RBMS3: variants seen among roughly 807,000 people sequenced by gnomAD.
The protein encoded by RBMS3 is RNA binding motif single stranded interacting protein 3, also known as RNA-binding motif, single-stranded-interacting protein 3.
A neutral mutation model predicts 66.8 loss-of-function variants in RBMS3; 27 were observed. The ratio of observed to expected loss-of-function variants is 0.40; its 90% CI spans 0.30 to 0.56. RBMS3 has a LOEUF of 0.56. RBMS3 is among the 20% of genes least tolerant of loss of function. The probability of loss-of-function intolerance (pLI) is 0.40; values close to 1 mark genes in which losing one functional copy is unlikely to be tolerated. For missense variants in RBMS3, 513 were observed against 549.5 expected, an observed-to-expected ratio of 0.93 and a Z score of 0.66; for synonymous variants, 188 against 183.0, an observed-to-expected ratio of 1.03 and a Z score of -0.22.
At chr3:29,688,507 A>C (rs1235783264) in intron 4 of RBMS3, among the ~76,000 whole-genome samples, 1 of 150,572 alleles carries the variant, frequency 6.6e-6, no homozygotes, top group Non-Finnish European at 1.5e-5. Context: ...TTAGTATATA[A>C]ATTTGTTTTT....
At chr3:29,810,126 A>G (rs1171481233) in intron 6 of RBMS3, among the ~76,000 whole-genome samples, 4 of 152,066 alleles carry the variant, frequency 2.6e-5, no homozygotes, top group Non-Finnish European at 4.4e-5. Context: ...AATAGAAGTA[A>G]TTATTTTCAT....
intron 6 of RBMS3, among the ~76,000 whole-genome samples, chr3:29,808,543 G>A (rs142908525): frequency 2.1e-4 from 32 of 152,030 alleles, no homozygotes; most frequent in East Asian, 1.2e-3. Context: ...CCTCCCTGGC[G>A]GGAAGAATTT....
At chr3:29,855,338 T>G (rs1378009127) in intron 6 of RBMS3, among the ~76,000 whole-genome samples, 1 of 152,214 alleles carries the variant, frequency 6.6e-6, no homozygotes, top group Non-Finnish European at 1.5e-5. Context: ...ACATCAAATA[T>G]GACTTTTTCC....
intron 12 of RBMS3, among the ~76,000 whole-genome samples, chr3:29,946,388 A>G (rs1262195913): frequency 6.6e-6 from 1 of 151,666 alleles, no homozygotes; most frequent in East Asian, 1.9e-4. Flanking sequence ...TGTAGTCGAG[A>G]TATCTGCTTG....
chr3:29,757,439 A>T (rs2055469793), intron 5 of RBMS3, among the ~76,000 whole-genome samples: 1 of 152,170 alleles, frequency 6.6e-6, no homozygotes, highest in South Asian at 2.1e-4. Flanking sequence ...AGTCCAAATA[A>T]AACATACCTG....
At chr3:29,536,363 AT>A (rs1031266175) in intron 3 of RBMS3, among the ~76,000 whole-genome samples, 1 of 152,014 alleles carries the variant, frequency 6.6e-6, no homozygotes, top group Non-Finnish European at 1.5e-5. Context: ...GCATGTATTA[AT>A]TTTTTTTCAG....
At chr3:29,926,727 GTCT>G (rs1559807239) in intron 10 of RBMS3, 1 of 152,198 alleles carries the variant, frequency 6.6e-6, no homozygotes, top group African/African-American at 2.4e-5. Flanking sequence ...ATATTCAGAC[GTCT>G]TCTGGGAACC....
chr3:29,422,143 T>A (rs537979461), intron 1 of RBMS3, among the ~76,000 whole-genome samples: 2 of 152,144 alleles, frequency 1.3e-5, no homozygotes, highest in Non-Finnish European at 2.9e-5. Flanking sequence ...GGCATAGAGG[T>A]AAAGCAAGAT....
chr3:29,817,164 A>G (rs2057932778), intron 6 of RBMS3, among the ~76,000 whole-genome samples: 1 of 151,056 alleles, frequency 6.6e-6, no homozygotes, highest in Non-Finnish European at 1.5e-5. Context: ...TAAAAATTAA[A>G]ATGGGTTGCA....
At chr3:29,816,612 G>A (rs114046795) in intron 6 of RBMS3, among the ~76,000 whole-genome samples, 1,910 of 152,096 alleles carry the variant, frequency 0.013, 37 homozygotes, top group African/African-American at 0.043. Context: ...GGTTCTTCTG[G>A]TGCTTAGAAA....
At chr3:29,936,301 T>C (rs1422543293) in intron 11 of RBMS3, 105 bp downstream of exon 11, 1 of 1,048,090 alleles carries the variant, frequency 9.5e-7, no homozygotes, top group East Asian at 2.6e-5. Context: ...ACCATATTCG[T>C]TGACTAACAC....
At chr3:29,855,073 T>A (rs2059036870) in intron 6 of RBMS3, among the ~76,000 whole-genome samples, 1 of 152,216 alleles carries the variant, frequency 6.6e-6, no homozygotes, top group South Asian at 2.1e-4. Flanking sequence ...TTCCCCTGTT[T>A]ACCTTACATA....
At chr3:29,919,513 A>C (rs1050178552) in intron 10 of RBMS3, among the ~76,000 whole-genome samples, 3 of 152,218 alleles carry the variant, frequency 2.0e-5, no homozygotes, top group African/African-American at 2.4e-5. Context: ...TTGTGAAGTC[A>C]ATCATTGCTC....
intron 6 of RBMS3, chr3:29,766,075 C>T (rs1256013741): frequency 6.6e-6 from 1 of 151,996 alleles, no homozygotes; most frequent in African/African-American, 2.4e-5. Flanking sequence ...GGGACACAGC[C>T]AAACTATGTT....
chr3:29,871,199 T>C (rs1312081716), intron 7 of RBMS3, among the ~76,000 whole-genome samples: 2 of 152,184 alleles, frequency 1.3e-5, no homozygotes, highest in African/African-American at 4.8e-5. Flanking sequence ...TTCCACACTT[T>C]AAAGCTTCTG....
chr3:29,649,351 G>T (rs372495887), intron 4 of RBMS3, among the ~76,000 whole-genome samples: 2 of 152,126 alleles, frequency 1.3e-5, no homozygotes, highest in African/African-American at 4.8e-5. Flanking sequence ...CAAATGTCAC[G>T]TGAATTTATC....
At chr3:29,439,044 C>A (rs987586680) in intron 2 of RBMS3, among the ~76,000 whole-genome samples, 2 of 152,046 alleles carry the variant, frequency 1.3e-5, no homozygotes, top group African/African-American at 4.8e-5. Flanking sequence ...AGTGGAAGAG[C>A]AGCCAGGTAA....
At chr3:29,439,080 G>A (rs2041510332) in intron 2 of RBMS3, among the ~76,000 whole-genome samples, 1 of 152,112 alleles carries the variant, frequency 6.6e-6, no homozygotes, top group Non-Finnish European at 1.5e-5. Context: ...CAGAGCCAAG[G>A]GCTGGAGGGG....
At chr3:29,942,824 T>G (rs1054926732) in intron 11 of RBMS3, among the ~76,000 whole-genome samples, 3 of 150,536 alleles carry the variant, frequency 2.0e-5, no homozygotes, top group Non-Finnish European at 4.4e-5. Context: ...TTTTTTTTTT[T>G]GGTTTGGAGT....
Sources: gnomAD v4.1 joint callset for allele counts (sites outside exome capture counted in the v4.1 genomes callset) on GRCh38, gnomAD v4.1.1 for gene constraint, MANE v1.5 for transcripts, NCBI Gene and HGNC (gene_info 2026-07-23, HGNC 2026-07-21) for gene names.